Variants in SMG7 observed in about 807,000 individuals in gnomAD.
SMG7 encodes the protein SMG7 nonsense mediated mRNA decay factor, also known as nonsense-mediated mRNA decay factor SMG7.
SMG7 carries 34 observed loss-of-function variants against 148.2 expected under a neutral mutation model. That is an observed-to-expected ratio of 0.23 (90% CI 0.17 to 0.31). The LOEUF (loss-of-function observed/expected upper bound fraction) is 0.31. Among genes scored for constraint, SMG7 ranks in the 10% least tolerant of loss-of-function variants. SMG7 has a pLI of 1.00. For missense variants in SMG7, 1,114 were observed against 1,408.4 expected (o/e 0.79, Z 3.35); for synonymous variants, 492 against 515.1 (o/e 0.96, Z 0.61).
chr1:183,529,437 C>T lies in SMG7; in HGVS notation c.747C>T (p.Phe249=), dbSNP rs761370939. Residue 249 remains phenylalanine (F), a synonymous_variant, in exon 8 of 23, where the codon TTC becomes TTT. Transcript: ENST00000688051. ...EVKTKWGVSD[F]IKAFIKFHGH... ...AAACCAAGTGGGGTGTTTCTGACTT[C>T]ATCAAGGCCTTTATTAAATTCCACG... The T allele has an allele frequency of 1.9e-6, 3 of 1,613,432 alleles. No individual in the cohort carries two copies. The Admixed American group carries it at 5.0e-5, about 27-fold the overall frequency.
chr1:183,522,921 CT>C (rs1382545299), intron 4 of SMG7, among the ~76,000 whole-genome samples: 1 of 152,052 alleles, frequency 6.6e-6, no homozygotes, highest in African/African-American at 2.4e-5. Flanking sequence ...GGACTACAGG[CT>C]CATACCAGCT....
At chr1:183,502,359 A>G in intron 1 of SMG7, 1 of 1,534,814 alleles carries the variant, frequency 6.5e-7, no homozygotes, top group Non-Finnish European at 8.7e-7. Flanking sequence ...AAAACTTGAA[A>G]TCAGAGGAGC....
rs770784941 is a variant in SMG7 at position 183,527,933 on chromosome 1, A to T, written c.485-23A>T. 5.6e-6 allele frequency: 9 copies of T among 1,604,294 alleles called. No homozygotes were observed. The highest frequency in any genetic ancestry group is 1.7e-5 in the Admixed American group (1 of 59,358). On this transcript the variant is annotated intron_variant, in intron 5 of 22. Coordinates refer to ENST00000688051, the MANE Select transcript of SMG7 (RefSeq NM_001375584.1). The surrounding 1 kb of genome is among the most constrained non-coding windows in gnomAD (Gnocchi z 4.0). The stretch of plus-strand genomic sequence containing the variant: ...CTACTGTTTGTTTTTTGGGTTTTTT[A>T]AAACTAATTTTCTTCTTCTTAGCTC...
intron 1 of SMG7, among the ~76,000 whole-genome samples, chr1:183,477,687 C>T (rs1652879812): frequency 7.7e-6 from 1 of 129,392 alleles, no homozygotes; most frequent in African/African-American, 3.0e-5. Flanking sequence ...TACGTGTGTG[C>T]ATATGTGTAT....
intron 7 of SMG7, 40 bp downstream of exon 7, chr1:183,529,082 C>G: frequency 6.4e-7 from 1 of 1,557,070 alleles, no homozygotes; most frequent in African/African-American, 1.4e-5. Context: ...TCCAAGAGGA[C>G]TTTGTAACCT....
intron 4 of SMG7, among the ~76,000 whole-genome samples, chr1:183,521,039 T>C (rs375435079): frequency 8.6e-5 from 13 of 151,836 alleles, no homozygotes; most frequent in Non-Finnish European, 1.5e-4. Context: ...CATTATGATA[T>C]CAGTTAACAA....
chr1:183,539,310 G>T (rs917576989), intron 12 of SMG7, among the ~76,000 whole-genome samples: 3 of 151,984 alleles, frequency 2.0e-5, no homozygotes, highest in East Asian at 1.9e-4. Flanking sequence ...TGAGTCCGTC[G>T]ATTTCCTTCC....
At position 183,546,176 on chromosome 1, in the gene SMG7, C is replaced by A. The variant is rs866284477; in HGVS notation, c.2581C>A (p.Pro861Thr). The change falls in exon 17 of 23, where the codon CCC becomes ACC. Residue 861 changes from proline (P) to threonine (T), a missense_variant. Around this residue, in one of 4 missense-constraint regions of SMG7, gnomAD observed 788 missense variants for 894.5 expected, o/e 0.88. Transcript: ENST00000688051. ...TCCCATGGAGCCATATAACCATAAT[C>A]CCTCAGAAGTCAAGGTCCCAGAATT... Reference protein sequence around the residue: ...PFPMEPYNHNPSEVKVPEFYW... With the variant: ...PFPMEPYNHNTSEVKVPEFYW... 3 of 1,613,954 alleles carry A rather than the reference C, an allele frequency of 1.9e-6. No individual in the cohort carries two copies. The highest frequency in any genetic ancestry group is 2.7e-5 in the African/African-American group (2 of 74,914).
chr1:183,520,258 ATTGTT>A (rs1664480652), intron 4 of SMG7, among the ~76,000 whole-genome samples: 1 of 152,092 alleles, frequency 6.6e-6, no homozygotes, highest in African/African-American at 2.4e-5. Context: ...AGATGAAAAG[ATTGTT>A]TTGTTGTTGT....
At chr1:183,506,124 C>G (rs1360356753) in intron 1 of SMG7, among the ~76,000 whole-genome samples, 1 of 152,136 alleles carries the variant, frequency 6.6e-6, no homozygotes, top group Non-Finnish European at 1.5e-5. Flanking sequence ...TTTTATTGTT[C>G]TGTTATTTCT....
At chr1:183,484,937 C>T (rs549933180) in intron 1 of SMG7, among the ~76,000 whole-genome samples, 4 of 152,106 alleles carry the variant, frequency 2.6e-5, no homozygotes, top group African/African-American at 9.6e-5. Flanking sequence ...TTTTTCAGTT[C>T]TGACATTGAG....
chr1:183,491,089 T>G (rs1200187449), intron 1 of SMG7, among the ~76,000 whole-genome samples: 2 of 152,240 alleles, frequency 1.3e-5, no homozygotes, highest in Admixed American at 6.5e-5. Context: ...TTAGACCCCT[T>G]GCAGTCAATC....
intron 1 of SMG7, among the ~76,000 whole-genome samples, chr1:183,508,855 G>A (rs1013398529): frequency 5.9e-5 from 9 of 152,184 alleles, no homozygotes; most frequent in African/African-American, 2.2e-4. Context: ...TATTTTTTAA[G>A]ATAGTCCACT....
rs1669010700 is a variant in SMG7, at chr1:183,542,270, G to A, written c.1610G>A (p.Cys537Tyr). Residue 537 changes from cysteine (C) to tyrosine (Y), a missense_variant, in exon 14 of 23, where the codon TGT becomes TAT. Physicochemically the swap from Cys to Tyr is radical, Grantham distance 194. This residue lies in a region of SMG7 where 788 missense variants were observed against 894.5 expected (regional missense o/e 0.88). Transcript: ENST00000688051. The part of the protein sequence containing the change: ...LSTSRNLSNN[C>Y]DTGEKPVVTF... The stretch of plus-strand genomic sequence containing the variant: ...ACAAGCCGAAATTTAAGCAACAACT[G>A]TGACACAGGAGAGAAGCCAGTGGTT... 6.2e-7 allele frequency: 1 copy of A among 1,614,110 alleles called. No individual in the cohort carries two copies. The highest frequency in any genetic ancestry group is 8.5e-7 in the Non-Finnish European group (1 of 1,179,990).
At chr1:183,474,297 T>C (rs1034950164) in intron 1 of SMG7, among the ~76,000 whole-genome samples, 2 of 152,236 alleles carry the variant, frequency 1.3e-5, no homozygotes, top group Non-Finnish European at 2.9e-5. Flanking sequence ...GCACGGGGGC[T>C]CACGCCTGTA....
At chr1:183,533,354 C>A in intron 9 of SMG7, 28 bp downstream of exon 9, 1 of 1,596,204 alleles carries the variant, frequency 6.3e-7, no homozygotes, top group Non-Finnish European at 8.5e-7. Flanking sequence ...TAACATGTGC[C>A]ATCTTTTTTG....
chr1:183,536,791 G>A (rs971797990), intron 10 of SMG7, among the ~76,000 whole-genome samples: 3 of 152,136 alleles, frequency 2.0e-5, no homozygotes, highest in African/African-American at 7.2e-5. Flanking sequence ...GTATGTGAAA[G>A]CTCTATAAAA....
chr1:183,541,036 C>A lies in SMG7; in HGVS notation c.1348C>A (p.Gln450Lys). Residue 450 changes from glutamine (Q) to lysine (K), a missense_variant, in exon 13 of 23, where the codon CAG (glutamine) becomes AAG (lysine). Gln to Lys is a moderately conservative substitution (Grantham distance 53, BLOSUM62 1). Transcript: ENST00000688051. ...HQGITGDKEG[Q>K]QRRIRQQRLI... ...GGGTATTACAGGGGACAAAGAAGGCCAGCAACGACGAATACGACAGCAACG... is the reference window on the plus strand; with the variant it reads ...GGGTATTACAGGGGACAAAGAAGGCAAGCAACGACGAATACGACAGCAACG... The A allele has an allele frequency of 6.2e-7, 1 of 1,613,436 alleles. No homozygotes were observed. The highest frequency in any genetic ancestry group is 1.1e-5 in the South Asian group (1 of 91,068).
At chr1:183,534,033 A>G (rs1159753906) in intron 10 of SMG7, among the ~76,000 whole-genome samples, 2 of 152,210 alleles carry the variant, frequency 1.3e-5, no homozygotes, top group African/African-American at 4.8e-5. Context: ...CTTAGTCTTA[A>G]GGATTTGTGA....
Sources: gnomAD v4.1 joint callset for allele counts (sites outside exome capture counted in the v4.1 genomes callset) on GRCh38, gnomAD v4.1.1 for gene constraint, gnomAD v4.1.1 regional missense constraint, Gnocchi (gnomAD v3.1) non-coding constraint, MANE v1.5 for transcripts, NCBI Gene and HGNC (gene_info 2026-07-23, HGNC 2026-07-21) for gene names.